The following GABRG3 variants were observed in gnomAD, a reference collection of about 807,000 sequenced individuals.
The protein encoded by GABRG3 is gamma-aminobutyric acid receptor subunit gamma-3.
A neutral mutation model predicts 48.8 loss-of-function variants in GABRG3; 25 were observed. The observed-to-expected ratio is 0.51, with a 90% CI of 0.37 to 0.72. The LOEUF is 0.72. GABRG3 is among the 30% of genes least tolerant of loss of function. The pLI is 0.00. For missense variants in GABRG3, 394 were observed against 577.9 expected (o/e 0.68, Z 3.26); for synonymous variants, 227 against 217.6 (o/e 1.04, Z -0.38).
At chr15:26,992,877 T>C (rs1243349129) in intron 2 of GABRG3, among the ~76,000 whole-genome samples, 1 of 152,144 alleles carries the variant, frequency 6.6e-6, no homozygotes, top group African/African-American at 2.4e-5. Flanking sequence ...ATTATGGCTT[T>C]GATCTTATTA....
chr15:27,411,057 T>A (rs1887783070), intron 5 of GABRG3, among the ~76,000 whole-genome samples: 1 of 152,124 alleles, frequency 6.6e-6, no homozygotes, highest in Non-Finnish European at 1.5e-5. Flanking sequence ...CCCTTATAGA[T>A]CTTCAGTTAG....
chr15:27,456,490 C>A (rs368352061), intron 5 of GABRG3, among the ~76,000 whole-genome samples: 1 of 152,182 alleles, frequency 6.6e-6, no homozygotes, highest in Non-Finnish European at 1.5e-5. Flanking sequence ...GGGAAGGACC[C>A]GCAGAGGGAC....
At chr15:27,104,309 T>A (rs1013028615) in intron 3 of GABRG3, among the ~76,000 whole-genome samples, 1 of 152,252 alleles carries the variant, frequency 6.6e-6, no homozygotes. Context: ...CAGATGAAGT[T>A]AAATCGACCA....
intron 3 of GABRG3, among the ~76,000 whole-genome samples, chr15:27,252,956 G>C (rs1890506237): frequency 6.6e-6 from 1 of 152,206 alleles, no homozygotes; most frequent in Admixed American, 6.5e-5. Context: ...AGGTCCATTT[G>C]CTTTGACCAA....
At chr15:27,098,557 T>TTTA (rs2140764016) in intron 3 of GABRG3, among the ~76,000 whole-genome samples, 1 of 152,252 alleles carries the variant, frequency 6.6e-6, no homozygotes, top group South Asian at 2.1e-4. Flanking sequence ...GAGGAAATAT[T>TTTA]TTGTTCGTTT....
At chr15:27,101,817 C>CT (rs1897363581) in intron 3 of GABRG3, among the ~76,000 whole-genome samples, 1 of 103,776 alleles carries the variant, frequency 9.6e-6, no homozygotes, top group Admixed American at 1.1e-4. Context: ...ATAAAATACA[C>CT]TAACAGTAAC....
At chr15:27,102,240 A>G (rs114785546) in intron 3 of GABRG3, among the ~76,000 whole-genome samples, 124 of 152,290 alleles carry the variant, frequency 8.1e-4, no homozygotes, top group African/African-American at 2.7e-3. Flanking sequence ...TAAGAACATA[A>G]AATTCTGAAA....
chr15:27,492,805 A>T (rs1890386876), intron 6 of GABRG3, among the ~76,000 whole-genome samples: 1 of 152,204 alleles, frequency 6.6e-6, no homozygotes, highest in African/African-American at 2.4e-5. Flanking sequence ...TTCCTGGTTA[A>T]CTTGTCTGCC....
intron 6 of GABRG3, among the ~76,000 whole-genome samples, chr15:27,501,889 A>G (rs997426587): frequency 6.6e-6 from 1 of 152,094 alleles, no homozygotes; most frequent in Non-Finnish European, 1.5e-5. Flanking sequence ...TGATATTGAG[A>G]CAATGACAGC....
intron 3 of GABRG3, among the ~76,000 whole-genome samples, chr15:27,112,742 A>G (rs1346789074): frequency 6.6e-6 from 1 of 152,062 alleles, no homozygotes; most frequent in Non-Finnish European, 1.5e-5. Flanking sequence ...GCCCAGCCAC[A>G]TTGATTACTT....
chr15:27,444,607 T>C (rs1203447556), intron 5 of GABRG3, among the ~76,000 whole-genome samples: 2 of 152,212 alleles, frequency 1.3e-5, no homozygotes, highest in East Asian at 1.9e-4. Flanking sequence ...CTTTTAATTA[T>C]AGCTATTAGT....
intron 3 of GABRG3, among the ~76,000 whole-genome samples, chr15:27,125,386 T>C (rs1402622768): frequency 2.0e-5 from 3 of 152,086 alleles, no homozygotes; most frequent in Non-Finnish European, 4.4e-5. Flanking sequence ...GGTTTGTTAA[T>C]GCGCACAAAG....
chr15:27,403,914 C>CAAAAAAAAAAAAAAAAAAAAAAAA (rs528760544), intron 5 of GABRG3, among the ~76,000 whole-genome samples: 1 of 68,530 alleles, frequency 1.5e-5, no homozygotes, highest in Non-Finnish European at 3.2e-5. Flanking sequence ...CAAAAAAAAA[C>CAAAAAAAAAAAAAAAAAAAAAAAA]AAAAAAAAAA....
chr15:27,275,976 C>T (rs527639296), intron 3 of GABRG3, among the ~76,000 whole-genome samples: 1 of 152,340 alleles, frequency 6.6e-6, no homozygotes, highest in South Asian at 2.1e-4. Context: ...CTGTTGACTG[C>T]ACATCAGTCT....
chr15:27,038,813 G>A (rs1438604734), intron 3 of GABRG3, among the ~76,000 whole-genome samples: 1 of 152,160 alleles, frequency 6.6e-6, no homozygotes, highest in East Asian at 1.9e-4. Context: ...CAGAAGAGCT[G>A]GAGCTCAGCC....
At chr15:27,247,254 A>G (rs116439342) in intron 3 of GABRG3, among the ~76,000 whole-genome samples, 289 of 147,320 alleles carry the variant, frequency 2.0e-3, no homozygotes, top group African/African-American at 7.2e-3. Context: ...CATCTTTAAA[A>G]CCCCCTCATA....
At chr15:27,321,161 G>T (rs976408880) in intron 3 of GABRG3, among the ~76,000 whole-genome samples, 15 of 152,248 alleles carry the variant, frequency 9.9e-5, no homozygotes, top group African/African-American at 2.7e-4. Flanking sequence ...TGCCAACAGG[G>T]CCTCCTTGTC....
chr15:27,379,986 T>C (rs1022138977), intron 5 of GABRG3, among the ~76,000 whole-genome samples: 3 of 127,076 alleles, frequency 2.4e-5, no homozygotes, highest in African/African-American at 9.3e-5. Flanking sequence ...TGTTTTCCTA[T>C]CTTTTTTTTT....
chr15:27,484,463 A>G (rs1359226930), intron 6 of GABRG3, among the ~76,000 whole-genome samples: 1 of 152,210 alleles, frequency 6.6e-6, no homozygotes, highest in Non-Finnish European at 1.5e-5. Context: ...AATTAAAAAG[A>G]AGCTAAATAT....
Sources: gnomAD v4.1 joint callset for allele counts (sites outside exome capture counted in the v4.1 genomes callset) on GRCh38, gnomAD v4.1.1 for gene constraint, MANE v1.5 for transcripts, NCBI Gene and HGNC (gene_info 2026-07-23, HGNC 2026-07-21) for gene names.